PARD6G: variants seen among roughly 807,000 people sequenced by gnomAD.
The protein encoded by PARD6G is par-6 family cell polarity regulator gamma.
Under a neutral mutation model 10.7 loss-of-function variants are expected in PARD6G, and 7 were observed. The observed-to-expected ratio is 0.66, with a 90% CI of 0.37 to 1.23. The LOEUF is 1.23. Among genes scored for constraint, PARD6G ranks in the 50% most tolerant of loss-of-function variants. PARD6G has a pLI of 0.02. For missense variants in PARD6G, 548 were observed against 571.8 expected, an observed-to-expected ratio of 0.96 and a Z score of 0.42; for synonymous variants, 287 against 269.4, an observed-to-expected ratio of 1.07 and a Z score of -0.64.
chr18:80,247,191 C>G lies in PARD6G; in HGVS notation c.72+86G>C, dbSNP rs1265567302. 1.8e-6 allele frequency: 2 copies of G among 1,141,948 alleles called. No individual in the cohort carries two copies. The highest frequency in any genetic ancestry group is 6.3e-5 in the East Asian group (2 of 31,968). 70.7% of individuals were successfully genotyped at this position (1,141,948 alleles called of 1,614,324 possible). A position where few individuals can be genotyped will look rare whatever the true frequency, so the allele number is the denominator to read the frequency against. Reference sequence around the variant, plus strand: ...TTGTCGCCGGCGCCTGTCGCCTCCACGCCGCCCCAGTCCCCCTCCGCGGGG... The same window carrying G: ...TTGTCGCCGGCGCCTGTCGCCTCCAGGCCGCCCCAGTCCCCCTCCGCGGGG... On this transcript the variant is annotated intron_variant, in intron 1 of 2. Transcript: ENST00000353265. The surrounding 1 kb of genome is among the most constrained non-coding windows in gnomAD (Gnocchi z 4.2).
At chr18:80,193,028 C>T (rs1966912759) in intron 2 of PARD6G, among the ~76,000 whole-genome samples, 1 of 152,046 alleles carries the variant, frequency 6.6e-6, no homozygotes, top group African/African-American at 2.4e-5. Context: ...TCAGAAAGGC[C>T]CCAAGCAGAT....
chr18:80,191,009 C>T (rs912807289), intron 2 of PARD6G, among the ~76,000 whole-genome samples: 1 of 152,208 alleles, frequency 6.6e-6, no homozygotes, highest in Non-Finnish European at 1.5e-5. Flanking sequence ...CATTAGACTC[C>T]TCTCATCCAA....
At chr18:80,199,717 A>G (rs966728021) in intron 2 of PARD6G, among the ~76,000 whole-genome samples, 2 of 152,324 alleles carry the variant, frequency 1.3e-5, no homozygotes, top group South Asian at 2.1e-4. Context: ...ATCTTGGCTC[A>G]CTGCAACCTC....
chr18:80,209,259 T>G (rs567284469), intron 1 of PARD6G, among the ~76,000 whole-genome samples: 1 of 152,198 alleles, frequency 6.6e-6, no homozygotes, highest in Non-Finnish European at 1.5e-5. Flanking sequence ...TGTAAGCCTA[T>G]GAATCCCATG....
In PARD6G at chr18:80,247,218, G is replaced by A; in HGVS notation, c.72+59C>T. On this transcript the variant is annotated intron_variant, in intron 1 of 2. Coordinates refer to ENST00000353265, the MANE Select transcript of PARD6G (RefSeq NM_032510.4). This position sits in a 1 kb window ranked among gnomAD's most constrained non-coding sequence, Gnocchi z 4.2. Reference sequence around the variant, plus strand: ...CCGCCCCAGTCCCCCTCCGCGGGGCGCCCCATTCATTAGCCAGGAGACTGG... The same window carrying A: ...CCGCCCCAGTCCCCCTCCGCGGGGCACCCCATTCATTAGCCAGGAGACTGG... The A allele has an allele frequency of 1.4e-6, 2 of 1,387,062 alleles. No individual in the cohort carries two copies. Among genetic ancestry groups the A allele is most frequent in the Admixed American group, 2.0e-5 (1 of 49,032 alleles). The allele number at this position is 1,387,062 out of a possible 1,614,324, so 85.9% of individuals were successfully genotyped here.
rs916509276 is a variant in PARD6G at position 80,159,548 on chromosome 18, C to G, written c.*223G>C. The G allele has an allele frequency of 6.7e-6, 4 of 592,934 alleles. No individual in the cohort carries two copies. Among genetic ancestry groups the G allele is most frequent in the Non-Finnish European group, 9.8e-6 (4 of 407,510 alleles). The allele number at this position is 592,934 out of a possible 1,614,324, so 36.7% of individuals were successfully genotyped here. On this transcript the variant is annotated 3_prime_UTR_variant, in exon 3 of 3. Transcript: ENST00000353265. ...TTGCAAAGGCGCCAAGACCTGCACT[C>G]AGGCCTGGTATAGAGTGTCTCTACA...
At chr18:80,226,781 T>C (rs879704246) in intron 1 of PARD6G, among the ~76,000 whole-genome samples, 1 of 152,024 alleles carries the variant, frequency 6.6e-6, no homozygotes, top group Non-Finnish European at 1.5e-5. Context: ...AGGCATTAAT[T>C]TATCAGTCAA....
intron 1 of PARD6G, among the ~76,000 whole-genome samples, chr18:80,241,433 G>C (rs1967488568): frequency 1.4e-5 from 2 of 145,202 alleles, no homozygotes; most frequent in Admixed American, 6.6e-5. Context: ...ATTGAGATGG[G>C]CATTAGTGAA....
chr18:80,173,715 C>T (rs11660952), intron 2 of PARD6G, among the ~76,000 whole-genome samples: 39,097 of 152,132 alleles, frequency 0.26, 6,617 homozygotes, highest in Non-Finnish European at 0.39. Flanking sequence ...TGAATTTCTT[C>T]AAACAATGGC....
intron 1 of PARD6G, among the ~76,000 whole-genome samples, chr18:80,238,092 C>A (rs1430342739): frequency 3.3e-5 from 5 of 152,184 alleles, no homozygotes; most frequent in Non-Finnish European, 7.3e-5. Flanking sequence ...GACTTGGAAC[C>A]AACCTAAATG....
intron 2 of PARD6G, among the ~76,000 whole-genome samples, chr18:80,193,955 C>A (rs1217059113): frequency 6.6e-6 from 1 of 152,174 alleles, no homozygotes; most frequent in Non-Finnish European, 1.5e-5. Flanking sequence ...TGGTGACCTC[C>A]AGGCTGAATC....
chr18:80,173,609 A>G (rs1485633213), intron 2 of PARD6G, among the ~76,000 whole-genome samples: 1 of 149,476 alleles, frequency 6.7e-6, no homozygotes, highest in Non-Finnish European at 1.5e-5. Context: ...TAGGTGTCAG[A>G]GCAAGACTTC....
chr18:80,195,717 A>G (rs2145275489), intron 2 of PARD6G, among the ~76,000 whole-genome samples: 1 of 150,730 alleles, frequency 6.6e-6, no homozygotes, highest in Middle Eastern at 3.4e-3. Context: ...TACTAAAAAT[A>G]CAAAAAAATC....
chr18:80,219,201 A>AC (rs1453118227), intron 1 of PARD6G, among the ~76,000 whole-genome samples: 64 of 84,108 alleles, frequency 7.6e-4, no homozygotes, highest in Admixed American at 3.6e-3. Flanking sequence ...CCCAGAAAAT[A>AC]GGGTTTGTTT....
chr18:80,210,506 C>G (rs1481959063), intron 1 of PARD6G, among the ~76,000 whole-genome samples: 2 of 152,196 alleles, frequency 1.3e-5, no homozygotes, highest in Non-Finnish European at 2.9e-5. Context: ...TCAGGACTGT[C>G]ATCGTCAGAC....
At chr18:80,186,318 C>G (rs181336041) in intron 2 of PARD6G, among the ~76,000 whole-genome samples, 1 of 148,370 alleles carries the variant, frequency 6.7e-6, no homozygotes, top group East Asian at 2.1e-4. Context: ...CATGCACCCT[C>G]ACATGCTTGC....
chr18:80,186,512 TCA>T (rs1342386014), intron 2 of PARD6G, among the ~76,000 whole-genome samples: 4 of 148,116 alleles, frequency 2.7e-5, no homozygotes, highest in Non-Finnish European at 4.5e-5. Context: ...TCGCACACCC[TCA>T]CACATGCATG....
chr18:80,215,435 A>G (rs964975813), intron 1 of PARD6G, among the ~76,000 whole-genome samples: 10 of 152,176 alleles, frequency 6.6e-5, no homozygotes, highest in African/African-American at 2.4e-4. Flanking sequence ...AATAATTATA[A>G]AAATGTTTTG....
rs1413416274 is a variant in PARD6G at position 80,188,989 on chromosome 18, C to G, written c.295+13721G>C. On this transcript the variant is annotated intron_variant, in intron 2 of 2. Transcript: ENST00000353265. This position sits in a 1 kb window ranked among gnomAD's most constrained non-coding sequence, Gnocchi z 5.4. Reference sequence around the variant, plus strand: ...CAGAGGCAGCAAGGTAGGCGTTGCCCAGCCCGGGGTTGCCTGACACTCTCT... The same window carrying G: ...CAGAGGCAGCAAGGTAGGCGTTGCCGAGCCCGGGGTTGCCTGACACTCTCT... Among the ~76,000 whole-genome samples, 2 of 152,196 alleles carry G rather than the reference C, an allele frequency of 1.3e-5. No individual in the cohort carries two copies. Among genetic ancestry groups the G allele is most frequent in the Non-Finnish European group, 2.9e-5 (2 of 68,030 alleles).
Sources: allele counts gnomAD v4.1 joint callset (sites outside exome capture counted in the v4.1 genomes callset), GRCh38; gene constraint gnomAD v4.1.1; non-coding constraint Gnocchi (gnomAD v3.1); transcripts MANE v1.5; gene names NCBI Gene and HGNC (gene_info 2026-07-23, HGNC 2026-07-21).